Variants in UBR3 observed in about 807,000 individuals in gnomAD.
UBR3 encodes E3 ubiquitin-protein ligase UBR3.
A neutral mutation model predicts 243.2 loss-of-function variants in UBR3; 85 were observed. The ratio of observed to expected loss-of-function variants is 0.35; its 90% CI spans 0.29 to 0.42. The LOEUF is 0.42. Among genes scored for constraint, UBR3 ranks in the 10% least tolerant of loss-of-function variants. UBR3 has a pLI of 1.00. For synonymous variants in UBR3, 748 were observed against 799.8 expected (o/e 0.94, Z 1.09); for missense variants, 1,686 against 2,300.8 (o/e 0.73, Z 5.47).
At chr2:169,971,357 T>C (rs2088134202) in intron 24 of UBR3, among the ~76,000 whole-genome samples, 1 of 151,352 alleles carries the variant, frequency 6.6e-6, no homozygotes, top group Non-Finnish European at 1.5e-5. Context: ...ATTTTGGCTT[T>C]TGTTGCCATT....
In UBR3 at chr2:169,877,650, A is replaced by T. The variant is rs545311837; in HGVS notation, c.988+13A>T. The T allele has an allele frequency of 6.5e-7, 1 of 1,532,880 alleles. No homozygotes were observed. The highest frequency in any genetic ancestry group is 8.7e-7 in the Non-Finnish European group (1 of 1,142,888). The allele number at this position is 1,532,880 out of a possible 1,614,324, so 95.0% of individuals were successfully genotyped here. A position where few individuals can be genotyped will look rare whatever the true frequency, so the allele number is the denominator to read the frequency against. On this transcript the variant is annotated intron_variant, in intron 4 of 38. Coordinates refer to ENST00000272793, the MANE Select transcript of UBR3 (RefSeq NM_172070.4). The stretch of plus-strand genomic sequence containing the variant: ...CTGGCTGTTCAAGGTTTGTCTAAAT[A>T]TTTAATTTGAACAGTTGTAACTTTT...
chr2:169,978,172 G>T (rs1005293047), intron 24 of UBR3, among the ~76,000 whole-genome samples: 1 of 152,098 alleles, frequency 6.6e-6, no homozygotes, highest in African/African-American at 2.4e-5. Context: ...TTTGGGCTCC[G>T]CCTATTCTCA....
chr2:169,847,226 ATAGT>A (rs1021520681), intron 1 of UBR3, among the ~76,000 whole-genome samples: 3 of 152,106 alleles, frequency 2.0e-5, no homozygotes, highest in Non-Finnish European at 4.4e-5. Context: ...AATTATTGAT[ATAGT>A]TAAATTTAAG....
intron 1 of UBR3, among the ~76,000 whole-genome samples, chr2:169,870,503 C>T (rs553931134): frequency 1.3e-5 from 2 of 152,008 alleles, no homozygotes; most frequent in Non-Finnish European, 2.9e-5. Flanking sequence ...CTTTAAGGTC[C>T]AGTTCATTAT....
intron 8 of UBR3, 97 bp downstream of exon 8, chr2:169,896,832 G>A: frequency 1.5e-5 from 12 of 788,322 alleles, no homozygotes; most frequent in Non-Finnish European, 2.0e-5. Flanking sequence ...TACTAATAAT[G>A]ATACTTAGTA....
chr2:169,914,197 T>A, intron 11 of UBR3, 51 bp downstream of exon 11: 1 of 994,600 alleles, frequency 1.0e-6, no homozygotes, highest in Non-Finnish European at 1.4e-6. Flanking sequence ...TAAAGACATT[T>A]AAGAAAAGTG....
At chr2:169,842,299 A>T (rs950787245) in intron 1 of UBR3, among the ~76,000 whole-genome samples, 1 of 152,096 alleles carries the variant, frequency 6.6e-6, no homozygotes, top group Admixed American at 6.5e-5. Flanking sequence ...TCTGATGGGG[A>T]CGTGGAGAAC....
intron 30 of UBR3, among the ~76,000 whole-genome samples, chr2:170,023,941 A>T (rs992682669): frequency 6.6e-6 from 1 of 152,120 alleles, no homozygotes; most frequent in African/African-American, 2.4e-5. Context: ...TGACCTCATG[A>T]TCCACCCACC....
chr2:169,881,854 TATATGTGTATATGTATACATATAG>T (rs2083855542), intron 5 of UBR3, among the ~76,000 whole-genome samples: 1 of 136,318 alleles, frequency 7.3e-6, no homozygotes, highest in Non-Finnish European at 1.5e-5. Context: ...TACATATACG[TATATGTGTATATGTATACATATAG>T]GTATATGTGT....
chr2:169,923,859 A>T, intron 11 of UBR3, 70 bp from the exon 12 acceptor site: 1 of 1,321,520 alleles, frequency 7.6e-7, no homozygotes. Flanking sequence ...TATGGTTTAA[A>T]CATTTTACAA....
At chr2:169,979,593 A>C (rs1336076956) in intron 24 of UBR3, among the ~76,000 whole-genome samples, 1 of 152,218 alleles carries the variant, frequency 6.6e-6, no homozygotes. Flanking sequence ...CTATTAAGCC[A>C]CATGAAGACA....
intron 36 of UBR3, chr2:170,078,030 C>T: frequency 1.5e-6 from 1 of 686,944 alleles, no homozygotes; most frequent in Non-Finnish European, 2.7e-6. Context: ...CCTCTCTGTC[C>T]AGCAGATAGG....
intron 38 of UBR3, 65 bp from the exon 39 acceptor site, chr2:170,081,661 A>G: frequency 8.0e-7 from 1 of 1,251,312 alleles, no homozygotes; most frequent in Non-Finnish European, 1.1e-6. Context: ...AAAAAAAAGA[A>G]GAAAGAAATG....
chr2:169,909,756 T>A (rs1024002418), intron 10 of UBR3, among the ~76,000 whole-genome samples: 1 of 151,824 alleles, frequency 6.6e-6, no homozygotes, highest in Admixed American at 6.6e-5. Flanking sequence ...TATATATATA[T>A]ATCTTGAAAC....
chr2:169,941,582 C>T (rs1278556183), intron 19 of UBR3, among the ~76,000 whole-genome samples: 1 of 152,174 alleles, frequency 6.6e-6, no homozygotes, highest in African/African-American at 2.4e-5. Flanking sequence ...AGCATGTACA[C>T]ATTCACCTAA....
At chr2:170,064,803 A>ATTTTTTTTTTTTTTTTT in intron 35 of UBR3, among the ~76,000 whole-genome samples, 4 of 87,872 alleles carry the variant, frequency 4.6e-5, no homozygotes, top group Non-Finnish European at 6.7e-5. Context: ...TGCTTTTTCT[A>ATTTTTTTTTTTTTTTTT]TTTTTTTTTT....
chr2:170,065,925 C>A (rs2091557366), intron 35 of UBR3, among the ~76,000 whole-genome samples: 1 of 151,198 alleles, frequency 6.6e-6, no homozygotes, highest in African/African-American at 2.4e-5. Context: ...ATAGGTAGTG[C>A]CCTACCCCAC....
chr2:169,878,458 G>C (rs1224787404), intron 4 of UBR3, 67 bp from the exon 5 acceptor site: 70 of 1,425,578 alleles, frequency 4.9e-5, no homozygotes, highest in Non-Finnish European at 6.5e-5. Flanking sequence ...GTATTTCTCA[G>C]AATAATTTGA....
chr2:170,028,664 A>C (rs2090593309), intron 30 of UBR3, among the ~76,000 whole-genome samples: 2 of 144,300 alleles, frequency 1.4e-5, no homozygotes, highest in Non-Finnish European at 3.0e-5. Flanking sequence ...GAAGGGGTGC[A>C]TCAGATACAA....
Sources: allele counts gnomAD v4.1 joint callset (sites outside exome capture counted in the v4.1 genomes callset), GRCh38; gene constraint gnomAD v4.1.1; transcripts MANE v1.5; gene names NCBI Gene and HGNC (gene_info 2026-07-23, HGNC 2026-07-21).